ADGRG6: variants seen among roughly 807,000 people sequenced by gnomAD.
ADGRG6 encodes adhesion G protein-coupled receptor G6.
In ADGRG6, 84 loss-of-function variants were observed where a neutral mutation model predicts 142.4. The ratio of observed to expected loss-of-function variants is 0.59; its 90% confidence interval spans 0.49 to 0.71. ADGRG6 has a LOEUF of 0.71. ADGRG6 is among the 30% of genes least tolerant of loss of function. ADGRG6 has a pLI of 0.00. For synonymous variants in ADGRG6, 521 were observed against 520.5 expected, an observed-to-expected ratio of 1.00 and a Z score of -0.01; for missense variants, 1,367 against 1,466.6, an observed-to-expected ratio of 0.93 and a Z score of 1.11.
chr6:142,306,080 G>A (rs899243432), intron 1 of ADGRG6, among the ~76,000 whole-genome samples: 3 of 152,162 alleles, frequency 2.0e-5, no homozygotes, highest in African/African-American at 7.2e-5. Flanking sequence ...CATAGAAACA[G>A]AGTTGGGATA....
intron 4 of ADGRG6, among the ~76,000 whole-genome samples, chr6:142,377,642 T>C (rs1781566592): frequency 6.6e-6 from 1 of 152,238 alleles, no homozygotes; most frequent in African/African-American, 2.4e-5. Context: ...TAAAACCAAT[T>C]TGTTGATGAT....
rs183738468 is a variant in ADGRG6 at position 142,411,544 on chromosome 6, A to G, written c.2541+133A>G. 1.7e-3 allele frequency: 975 copies of G among 576,766 alleles called. 5 individuals carry two copies. Among genetic ancestry groups the G allele is most frequent in the Middle Eastern group, 1.0e-2 (36 of 3,618 alleles). The allele number at this position is 576,766 out of a possible 1,614,324, so 35.7% of individuals were successfully genotyped here. A position where few individuals can be genotyped will look rare whatever the true frequency, so the allele number is the denominator to read the frequency against. Reference sequence around the variant, plus strand: ...AGTTTTCATCTGTACCGTGAATCTTAATTCTTAATAAAGAATCTAATTAGC... The same window carrying G: ...AGTTTTCATCTGTACCGTGAATCTTGATTCTTAATAAAGAATCTAATTAGC... On this transcript the variant is annotated intron_variant, in intron 18 of 24. Transcript: ENST00000367609.
chr6:142,438,123 C>T, intron 23 of ADGRG6, 89 bp from the exon 24 acceptor site: 1 of 734,184 alleles, frequency 1.4e-6, no homozygotes. Flanking sequence ...ATCAGATGCT[C>T]CAGATAAATA....
chr6:142,324,835 T>C (rs1778685915), intron 2 of ADGRG6, among the ~76,000 whole-genome samples: 1 of 152,164 alleles, frequency 6.6e-6, no homozygotes, highest in Non-Finnish European at 1.5e-5. Context: ...GTAGGGAGTA[T>C]ATCTTCTTTA....
chr6:142,440,963 C>G, intron 24 of ADGRG6: 1 of 1,452,106 alleles, frequency 6.9e-7, no homozygotes, highest in Non-Finnish European at 9.3e-7. Flanking sequence ...GGTAAACTTT[C>G]GTTACTTTTT....
Position 142,416,054 on chromosome 6 carries a change from C to T in ADGRG6, c.2928C>T (p.Ile976=), listed in dbSNP as rs779066352. Residue 976 remains isoleucine, a synonymous_variant, in exon 20 of 25, where the codon ATC becomes ATT. Transcript: ENST00000367609. ...GCCGATACATTCTAAAATTCTGCAT[C>T]ATTGGCTGGGGTAAGCCTCTTAAAA... ...YIRRYILKFC[I]IGWGLPALVV... 1 of 1,611,596 alleles carries T rather than the reference C, an allele frequency of 6.2e-7. No homozygotes were observed. The highest frequency in any genetic ancestry group is 8.5e-7 in the Non-Finnish European group (1 of 1,178,164).
intron 4 of ADGRG6, among the ~76,000 whole-genome samples, chr6:142,372,307 C>A (rs532058380): frequency 6.6e-6 from 1 of 152,302 alleles, no homozygotes; most frequent in South Asian, 2.1e-4. Flanking sequence ...ACAGACATAA[C>A]TCTCAATTAA....
intron 2 of ADGRG6, among the ~76,000 whole-genome samples, chr6:142,318,750 C>G (rs962949658): frequency 6.6e-6 from 1 of 151,824 alleles, no homozygotes; most frequent in Non-Finnish European, 1.5e-5. Context: ...GACAAATGCA[C>G]AGATGCATTA....
intron 2 of ADGRG6, among the ~76,000 whole-genome samples, chr6:142,331,698 A>T (rs1480947398): frequency 6.6e-6 from 1 of 152,184 alleles, no homozygotes. Context: ...AGAATAATGA[A>T]AACTATTGCC....
intron 2 of ADGRG6, among the ~76,000 whole-genome samples, chr6:142,337,413 C>A (rs1727572834): frequency 6.6e-6 from 1 of 152,144 alleles, no homozygotes; most frequent in South Asian, 2.1e-4. Context: ...TTAATGAGTG[C>A]TGCACTGGGA....
chr6:142,305,028 A>G (rs891312274), intron 1 of ADGRG6, among the ~76,000 whole-genome samples: 1 of 152,234 alleles, frequency 6.6e-6, no homozygotes, highest in African/African-American at 2.4e-5. Flanking sequence ...ACAAAAGTTT[A>G]ACATATTTAA....
At chr6:142,426,711 C>T (rs186297245) in intron 22 of ADGRG6, among the ~76,000 whole-genome samples, 1 of 152,298 alleles carries the variant, frequency 6.6e-6, no homozygotes, top group East Asian at 1.9e-4. Flanking sequence ...TCCATGAGGG[C>T]CTCACCCCTG....
At chr6:142,358,788 C>A (rs1780576190) in intron 2 of ADGRG6, among the ~76,000 whole-genome samples, 1 of 151,678 alleles carries the variant, frequency 6.6e-6, no homozygotes, top group Admixed American at 6.6e-5. Flanking sequence ...GCCTGTAGTC[C>A]TAACTACTCG....
intron 1 of ADGRG6, among the ~76,000 whole-genome samples, chr6:142,308,466 T>C (rs1179227223): frequency 6.6e-6 from 1 of 151,996 alleles, no homozygotes; most frequent in Non-Finnish European, 1.5e-5. Context: ...AGTATTTCTC[T>C]TTCTGCTTTT....
At chr6:142,344,634 A>G (rs1377058615) in intron 2 of ADGRG6, among the ~76,000 whole-genome samples, 1 of 151,994 alleles carries the variant, frequency 6.6e-6, no homozygotes, top group East Asian at 1.9e-4. Context: ...ATCAGGTGAT[A>G]CAATAATATG....
intron 18 of ADGRG6, among the ~76,000 whole-genome samples, 155 bp from the exon 19 acceptor site, chr6:142,414,814 A>G (rs1390749580): frequency 1.3e-5 from 2 of 152,206 alleles, no homozygotes; most frequent in East Asian, 3.8e-4. Context: ...ATCGAAAATA[A>G]TATAATAAAT....
intron 21 of ADGRG6, 48 bp from the exon 22 acceptor site, chr6:142,419,773 G>A (rs762354334): frequency 1.3e-5 from 19 of 1,444,502 alleles, no homozygotes; most frequent in Admixed American, 2.0e-5. Flanking sequence ...TAGGTAAACA[G>A]GACATGGTAA....
chr6:142,436,584 G>A (rs879382241), intron 22 of ADGRG6, among the ~76,000 whole-genome samples: 18 of 152,132 alleles, frequency 1.2e-4, no homozygotes, highest in Non-Finnish European at 2.4e-4. Context: ...AGAGATTGAA[G>A]CTGGAAGAAA....
intron 19 of ADGRG6, 41 bp from the exon 20 acceptor site, chr6:142,415,755 C>T (rs1177112040): frequency 7.1e-7 from 1 of 1,416,324 alleles, no homozygotes. Flanking sequence ...GATTGATATA[C>T]AGTATTAGTT....
Sources: allele counts gnomAD v4.1 joint callset (sites outside exome capture counted in the v4.1 genomes callset), GRCh38; gene constraint gnomAD v4.1.1; transcripts MANE v1.5; gene names NCBI Gene and HGNC (gene_info 2026-07-23, HGNC 2026-07-21).